PCLO: variants seen among roughly 807,000 people sequenced by gnomAD.
The protein encoded by PCLO is protein piccolo.
PCLO carries 82 observed loss-of-function variants against 427.5 expected under a neutral mutation model. That is an observed-to-expected ratio of 0.19 (90% confidence interval 0.16 to 0.23). PCLO has a LOEUF of 0.23. Among genes scored for constraint, PCLO ranks in the 10% least tolerant of loss-of-function variants. The pLI is 1.00. For synonymous variants in PCLO, 2,357 were observed against 2,155.4 expected, an observed-to-expected ratio of 1.09 and a Z score of -2.59; for missense variants, 6,239 against 6,115.9, an observed-to-expected ratio of 1.02 and a Z score of -0.67.
chr7:83,118,823 G>A (rs1350804375), intron 3 of PCLO, among the ~76,000 whole-genome samples: 1 of 152,130 alleles, frequency 6.6e-6, no homozygotes, highest in East Asian at 1.9e-4. Flanking sequence ...CTGGTGGTGT[G>A]CTAGGCTCAG....
chr7:83,042,922 A>G (rs1789008298), intron 3 of PCLO, among the ~76,000 whole-genome samples: 1 of 152,190 alleles, frequency 6.6e-6, no homozygotes, highest in Non-Finnish European at 1.5e-5. Context: ...TCAAAGCAGA[A>G]TAGATGACAC....
At chr7:82,892,881 C>T (rs1160126283) in intron 9 of PCLO, among the ~76,000 whole-genome samples, 2 of 152,018 alleles carry the variant, frequency 1.3e-5, no homozygotes, top group Non-Finnish European at 2.9e-5. Context: ...GAGATACCAT[C>T]TCACACCAGT....
chr7:82,952,857 G>A lies in PCLO; in HGVS notation c.8096C>T (p.Pro2699Leu), dbSNP rs1169787366. ...VGLSSISITI[P>L]PEPLALDNIH... Reference sequence around the variant, plus strand: ...GTTATCTAGAGCAAGAGGCTCTGGAGGAATTGTTATGGAAATGCTGCTGAG... The same window carrying A: ...GTTATCTAGAGCAAGAGGCTCTGGAAGAATTGTTATGGAAATGCTGCTGAG... Residue 2699 changes from proline to leucine, a missense_variant, in exon 5 of 25, where the codon CCT becomes CTT. By Grantham distance (98) the Pro-to-Leu change is moderately conservative. This residue lies in a region of PCLO where 4,677 missense variants were observed against 4,468.4 expected (regional missense o/e 1.05). Coordinates refer to ENST00000333891, the MANE Select transcript of PCLO (RefSeq NM_033026.6). 6.2e-7 allele frequency: 1 copy of A among 1,613,650 alleles called. No homozygotes were observed. Among genetic ancestry groups the A allele is most frequent in the African/African-American group, 1.3e-5 (1 of 74,872 alleles).
In PCLO at chr7:82,878,891, C is replaced by T. The variant is rs533104340; in HGVS notation, c.13654+446G>A. On this transcript the variant is annotated intron_variant, in intron 10 of 24. Transcript: ENST00000333891. ...TGATCATGACTGTGTTCCAATAAAACAGTATTTACAGAAGCAGGCAGCAGA... is the reference window on the plus strand; with the variant it reads ...TGATCATGACTGTGTTCCAATAAAATAGTATTTACAGAAGCAGGCAGCAGA... Among the ~76,000 whole-genome samples the T allele has an allele frequency of 3.9e-5, 6 of 152,234 alleles. No individual in the cohort carries two copies. The South Asian group carries it at 1.2e-3, about 32-fold the overall frequency.
chr7:82,842,807 C>T (rs1023176012), intron 13 of PCLO, among the ~76,000 whole-genome samples: 1 of 151,900 alleles, frequency 6.6e-6, no homozygotes, highest in African/African-American at 2.4e-5. Flanking sequence ...TATAAAAAAT[C>T]AACATCATTA....
intron 20 of PCLO, chr7:82,821,852 A>G: frequency 1.0e-6 from 1 of 982,246 alleles, no homozygotes; most frequent in Non-Finnish European, 1.2e-6. Context: ...TAGTTTTTTG[A>G]GAATGTAAGA....
rs755420995 is a variant in PCLO, at chr7:83,134,575, T to C, written c.2975A>G (p.Lys992Arg). The change falls in exon 3 of 25, where the codon AAA (lysine) becomes AGA (arginine). Residue 992 changes from lysine (K) to arginine (R), a missense_variant. This residue lies in a region of PCLO where 4,677 missense variants were observed against 4,468.4 expected (regional missense o/e 1.05). Transcript: ENST00000333891. Reference sequence around the variant, plus strand: ...TGTTTCCTTTTTCACAGGTATACTTTTTGCAGGTGCTGGTGGTGCTTGACC... The same window carrying C: ...TGTTTCCTTTTTCACAGGTATACTTCTTGCAGGTGCTGGTGGTGCTTGACC... ...STGQAPPAPA[K>R]SIPVKKETKA... 1 of 1,613,970 alleles carries C rather than the reference T, an allele frequency of 6.2e-7. No homozygotes were observed.
In PCLO at chr7:82,915,034, C is replaced by A. The variant is rs1404995006; in HGVS notation, c.12952G>T (p.Ala4318Ser). ...ACATCTAGAGCTTCAGCCTCTTGAG[C>A]TTTCAGTCTTAGGGAAGAGCTAGAA... ...DSSSSSLRLK[A>S]QEAEALDVSF... Residue 4318 changes from alanine to serine, a missense_variant, in exon 7 of 25, where the codon GCT (alanine) becomes TCT (serine). Around this residue, in one of 5 missense-constraint regions of PCLO, gnomAD observed 680 missense variants for 677.3 expected, o/e 1.00. Transcript: ENST00000333891. The A allele has an allele frequency of 5.6e-6, 9 of 1,613,492 alleles. No homozygotes were observed.
rs976899569 is a variant in PCLO, at chr7:82,754,924, G to C, written c.*3651C>G. On this transcript the variant is annotated 3_prime_UTR_variant, in exon 25 of 25. Coordinates refer to ENST00000333891, the MANE Select transcript of PCLO (RefSeq NM_033026.6). ...TTGGAATATTTGACATTGTAGCAAT[G>C]AAAATAAGTTTTTAAAAATATTGTT... 1 of 151,894 alleles carries C rather than the reference G, an allele frequency of 6.6e-6. No homozygotes were observed. The highest frequency in any genetic ancestry group is 1.5e-5 in the Non-Finnish European group (1 of 67,908). The allele number at this position is 151,894 out of a possible 1,614,324, so 9.4% of individuals were successfully genotyped here.
chr7:83,100,348 G>A (rs1460656541), intron 3 of PCLO, among the ~76,000 whole-genome samples: 1 of 152,040 alleles, frequency 6.6e-6, no homozygotes, highest in Admixed American at 6.6e-5. Flanking sequence ...CTATTGTAAA[G>A]ACACATACAT....
chr7:83,072,144 A>T (rs191084393), intron 3 of PCLO, among the ~76,000 whole-genome samples: 1 of 152,186 alleles, frequency 6.6e-6, no homozygotes, highest in Admixed American at 6.5e-5. Flanking sequence ...TTACATGATA[A>T]TGATTTTGTT....
chr7:83,034,889 C>G (rs1198009658), intron 3 of PCLO, among the ~76,000 whole-genome samples: 1 of 152,156 alleles, frequency 6.6e-6, no homozygotes, highest in Non-Finnish European at 1.5e-5. Context: ...CCTTGACTAC[C>G]TTGTACGCTT....
intron 3 of PCLO, among the ~76,000 whole-genome samples, chr7:82,967,602 G>A (rs1562889955): frequency 6.6e-6 from 1 of 152,100 alleles, no homozygotes; most frequent in Non-Finnish European, 1.5e-5. Context: ...CAGAATCCTG[G>A]GAGAGGAAAC....
chr7:83,160,644 TAGAG>T (rs1168010256), intron 1 of PCLO, among the ~76,000 whole-genome samples: 1 of 152,104 alleles, frequency 6.6e-6, no homozygotes, highest in African/African-American at 2.4e-5. Context: ...AAATTATCAA[TAGAG>T]AGCTTTAAAA....
intron 7 of PCLO, chr7:82,914,318 T>C (rs1794392026): frequency 2.2e-6 from 1 of 464,374 alleles, no homozygotes; most frequent in South Asian, 4.7e-5. Flanking sequence ...CAATAACTTT[T>C]AAAATATATT....
rs747251409 is a variant in PCLO, at chr7:82,758,646, C to G, written c.15358G>C (p.Asp5120His). 6.2e-7 allele frequency: 1 copy of G among 1,611,018 alleles called. No individual in the cohort carries two copies. Among genetic ancestry groups the G allele is most frequent in the South Asian group, 1.1e-5 (1 of 91,016 alleles). ...ATTCTTTTTCTGAGATCCACTTTGT[C>G]AAGCCAGATACAGGCTTCACCAATC... ...TLIGEACIWL[D>H]KVDLRKRIVN... is the part of the protein sequence containing the mutation. The change falls in exon 25 of 25, where the codon GAC becomes CAC. Residue 5120 changes from aspartate to histidine, a missense_variant. Coordinates refer to ENST00000333891, the MANE Select transcript of PCLO (RefSeq NM_033026.6).
chr7:83,139,423 T>C (rs1283511083), intron 2 of PCLO, among the ~76,000 whole-genome samples: 2 of 152,214 alleles, frequency 1.3e-5, no homozygotes, highest in Non-Finnish European at 2.9e-5. Flanking sequence ...ACATTATCTT[T>C]GGACAACTGT....
In PCLO at chr7:82,908,999, G is replaced by A. The variant is rs753742144; in HGVS notation, c.13315C>T (p.Arg4439Cys). Residue 4439 changes from arginine (R) to cysteine (C), a missense_variant, in exon 8 of 25, where the codon CGT (arginine) becomes TGT (cysteine). By Grantham distance (180) the Arg-to-Cys change is radical (BLOSUM62 -3). Around this residue, in one of 5 missense-constraint regions of PCLO, gnomAD observed 877 missense variants for 925.5 expected, o/e 0.95. Transcript: ENST00000333891. ...MSDSEAYHLR[R>C]EETDWFDKPR... ...TTATCAAACCAATCTGTTTCCTCAC[G>A]ACGCAGATGATAGGCTTTGGACACC... The A allele has an allele frequency of 1.2e-6, 2 of 1,612,354 alleles. No homozygotes were observed. Among genetic ancestry groups the A allele is most frequent in the Non-Finnish European group, 1.7e-6 (2 of 1,179,106 alleles).
intron 5 of PCLO, 103 bp downstream of exon 5, chr7:82,951,753 A>C: frequency 6.9e-7 from 1 of 1,459,794 alleles, no homozygotes; most frequent in Non-Finnish European, 9.0e-7. Context: ...AGAAAGAGAA[A>C]AAGTAACAAA....
Sources: allele counts gnomAD v4.1 joint callset (sites outside exome capture counted in the v4.1 genomes callset), GRCh38; gene constraint gnomAD v4.1.1; regional missense constraint gnomAD v4.1.1; transcripts MANE v1.5; gene names NCBI Gene and HGNC (gene_info 2026-07-23, HGNC 2026-07-21).